The following NOL4 variants were observed in gnomAD, a reference collection of about 807,000 sequenced individuals.
NOL4 encodes the protein nucleolar protein 4.
Under a neutral mutation model 75.9 loss-of-function variants are expected in NOL4, and 17 were observed. That is an observed-to-expected ratio of 0.22 (90% CI 0.15 to 0.34). NOL4 has a LOEUF of 0.34. Ranked by LOEUF, NOL4 falls within the 10% of genes least tolerant of loss-of-function variation. The pLI is 1.00. For synonymous variants in NOL4, 292 were observed against 289.9 expected (o/e 1.01, Z -0.07); for missense variants, 614 against 793.5 (o/e 0.77, Z 2.72).
intron 5 of NOL4, among the ~76,000 whole-genome samples, chr18:34,024,773 C>G (rs1185061656): frequency 6.6e-6 from 1 of 152,086 alleles, no homozygotes; most frequent in Non-Finnish European, 1.5e-5. Context: ...ATTAGTAGTT[C>G]TCAAACTTTA....
intron 10 of NOL4, among the ~76,000 whole-genome samples, chr18:33,856,027 A>G (rs2062822979): frequency 6.6e-6 from 1 of 152,010 alleles, no homozygotes; most frequent in East Asian, 1.9e-4. Flanking sequence ...ATACATTTTT[A>G]TTTATCAAAA....
At chr18:34,182,844 T>A (rs1457261462) in intron 1 of NOL4, among the ~76,000 whole-genome samples, 1 of 151,728 alleles carries the variant, frequency 6.6e-6, no homozygotes, top group Non-Finnish European at 1.5e-5. Flanking sequence ...CAATAGAAAT[T>A]ATTAGACATT....
At chr18:34,025,623 C>T (rs2075301963) in intron 5 of NOL4, among the ~76,000 whole-genome samples, 1 of 152,120 alleles carries the variant, frequency 6.6e-6, no homozygotes. Flanking sequence ...AATGGATTGA[C>T]AGATTGATTG....
intron 5 of NOL4, among the ~76,000 whole-genome samples, chr18:34,043,934 A>C (rs2076249511): frequency 6.6e-6 from 1 of 152,108 alleles, no homozygotes; most frequent in Non-Finnish European, 1.5e-5. Flanking sequence ...CTCCAGAATT[A>C]GCTTAGGGGT....
At chr18:33,926,322 T>C (rs527344171) in intron 9 of NOL4, among the ~76,000 whole-genome samples, 1 of 120,028 alleles carries the variant, frequency 8.3e-6, no homozygotes, top group African/African-American at 3.2e-5. Flanking sequence ...ATCATGCCAC[T>C]GCCCTCCAAA....
At chr18:34,004,097 C>T (rs1490507642) in intron 6 of NOL4, among the ~76,000 whole-genome samples, 2 of 152,002 alleles carry the variant, frequency 1.3e-5, no homozygotes, top group Non-Finnish European at 2.9e-5. Context: ...TTTATTGATT[C>T]CAGGTCTTTA....
chr18:33,964,285 CTATCT>C (rs1179824560), intron 6 of NOL4, among the ~76,000 whole-genome samples: 3 of 152,130 alleles, frequency 2.0e-5, no homozygotes, highest in East Asian at 3.9e-4. Context: ...ATTTTAAAAA[CTATCT>C]TATATTTCCT....
At chr18:33,952,561 T>C (rs1431193315) in intron 8 of NOL4, among the ~76,000 whole-genome samples, 1 of 152,206 alleles carries the variant, frequency 6.6e-6, no homozygotes, top group Non-Finnish European at 1.5e-5. Context: ...GGAATTGAAC[T>C]AAGCAAGGCA....
chr18:34,174,014 A>G (rs753024980), intron 1 of NOL4, among the ~76,000 whole-genome samples: 5 of 152,178 alleles, frequency 3.3e-5, no homozygotes, highest in Non-Finnish European at 7.4e-5. Context: ...TTGAACTTTA[A>G]AAATCTCTTA....
intron 5 of NOL4, among the ~76,000 whole-genome samples, chr18:34,057,520 G>A (rs1179561095): frequency 2.6e-5 from 4 of 152,166 alleles, no homozygotes; most frequent in Non-Finnish European, 5.9e-5. Context: ...AATTTCAGGA[G>A]TGTGGGTAAA....
intron 10 of NOL4, among the ~76,000 whole-genome samples, chr18:33,866,343 T>C (rs1411775760): frequency 2.6e-5 from 4 of 152,188 alleles, no homozygotes; most frequent in Non-Finnish European, 4.4e-5. Context: ...TTTCCCACTG[T>C]CTTTATCCAT....
At chr18:34,115,319 C>T (rs1039264032) in intron 2 of NOL4, among the ~76,000 whole-genome samples, 18 of 152,094 alleles carry the variant, frequency 1.2e-4, no homozygotes, top group Admixed American at 1.1e-3. Flanking sequence ...CAGTCACATC[C>T]ACCATGGCCA....
intron 2 of NOL4, among the ~76,000 whole-genome samples, chr18:34,120,813 T>C (rs2080105721): frequency 6.6e-6 from 1 of 152,014 alleles, no homozygotes; most frequent in Non-Finnish European, 1.5e-5. Flanking sequence ...ATAAAGAAAC[T>C]AGAGGAGGAA....
At chr18:34,048,759 G>T in intron 5 of NOL4, 1 of 234,786 alleles carries the variant, frequency 4.3e-6, no homozygotes, top group Non-Finnish European at 7.0e-6. Context: ...CTCCCAACAA[G>T]TTTACTGTCA....
intron 5 of NOL4, among the ~76,000 whole-genome samples, chr18:34,062,484 T>A (rs2077103147): frequency 6.6e-6 from 1 of 152,068 alleles, no homozygotes; most frequent in Non-Finnish European, 1.5e-5. Flanking sequence ...AATTTATAAA[T>A]TAGCTAAAGA....
chr18:33,862,436 C>A (rs1014017250), intron 10 of NOL4, among the ~76,000 whole-genome samples: 55 of 152,098 alleles, frequency 3.6e-4, no homozygotes, highest in East Asian at 5.8e-4. Context: ...TAATTAAACT[C>A]AAGAGCTTCT....
In NOL4 at chr18:34,139,687, G is replaced by A. The variant is rs181679192; in HGVS notation, c.265-9667C>T. Among the ~76,000 whole-genome samples, 466 of 151,968 alleles carry A rather than the reference G, an allele frequency of 3.1e-3. 2 individuals carry two copies. Among genetic ancestry groups the A allele is most frequent in the Middle Eastern group, 0.017 (5 of 294 alleles). The stretch of plus-strand genomic sequence containing the variant: ...TTGTGTCTCTATATCCTTCAGTTCC[G>A]CTCTGATCTTAGTTATTTGTTGCCT... On this transcript the variant is annotated intron_variant, in intron 1 of 10. Transcript: ENST00000261592.
At chr18:34,045,491 GTA>G (rs1049630523) in intron 5 of NOL4, among the ~76,000 whole-genome samples, 5 of 152,202 alleles carry the variant, frequency 3.3e-5, no homozygotes, top group Non-Finnish European at 7.4e-5. Flanking sequence ...GCCCTCAAAA[GTA>G]TATGTCATCG....
chr18:34,028,707 T>A (rs2075477717), intron 5 of NOL4, among the ~76,000 whole-genome samples: 1 of 152,220 alleles, frequency 6.6e-6, no homozygotes, highest in Non-Finnish European at 1.5e-5. Flanking sequence ...TCAGAGACTT[T>A]ATCCCAGACC....
Sources: allele counts gnomAD v4.1 joint callset (sites outside exome capture counted in the v4.1 genomes callset), GRCh38; gene constraint gnomAD v4.1.1; transcripts MANE v1.5; gene names NCBI Gene and HGNC (gene_info 2026-07-23, HGNC 2026-07-21).